RANBP2: variants seen among roughly 807,000 people sequenced by gnomAD.
The protein encoded by RANBP2 is RAN binding protein 2, also known as E3 SUMO-protein ligase RanBP2.
A neutral mutation model predicts 303.6 loss-of-function variants in RANBP2; 57 were observed. That is an observed-to-expected ratio of 0.19 (90% CI 0.15 to 0.23). The LOEUF is 0.23. RANBP2 is among the 10% of genes least tolerant of loss of function. The pLI is 1.00. For synonymous variants in RANBP2, 1,167 were observed against 1,301.5 expected, an observed-to-expected ratio of 0.90 and a Z score of 2.23; for missense variants, 3,138 against 3,780.8, an observed-to-expected ratio of 0.83 and a Z score of 4.46.
At chr2:109,468,855 GAAAAAA>G in the RANBP2 span, among the ~76,000 whole-genome samples, 2 of 64,864 alleles carry the variant, frequency 3.1e-5, no homozygotes, top group Admixed American at 2.0e-4. Context: ...CTCTGTCTCA[GAAAAAA>G]AAAAAAAAAA....
At chr2:108,906,694 G>A in the RANBP2 span, among the ~76,000 whole-genome samples, 2 of 152,374 alleles carry the variant, frequency 1.3e-5, no homozygotes, top group South Asian at 4.1e-4. Context: ...GGACATCTGT[G>A]CTGCAGCAGA....
the RANBP2 span, among the ~76,000 whole-genome samples, chr2:109,249,876 G>A: frequency 6.6e-6 from 1 of 151,004 alleles, no homozygotes. Flanking sequence ...AGTAGAGACG[G>A]GGTTTCACTG....
chr2:109,612,389 T>C, the RANBP2 span, among the ~76,000 whole-genome samples: 17 of 152,324 alleles, frequency 1.1e-4, 1 homozygote, highest in South Asian at 3.5e-3. Context: ...ATCTTCACTG[T>C]ATCAATCAAT....
the RANBP2 span, among the ~76,000 whole-genome samples, chr2:109,381,418 G>A: frequency 6.6e-6 from 1 of 152,152 alleles, no homozygotes; most frequent in Non-Finnish European, 1.5e-5. Flanking sequence ...GGGCCCTGCT[G>A]GTCTCAGCAC....
chr2:109,152,357 A>C, the RANBP2 span, among the ~76,000 whole-genome samples: 26 of 152,186 alleles, frequency 1.7e-4, no homozygotes, highest in Non-Finnish European at 5.9e-5. Context: ...GCATTTGGCA[A>C]ATCCCTCTTA....
the RANBP2 span, among the ~76,000 whole-genome samples, chr2:109,030,957 A>ATATG: frequency 6.6e-6 from 1 of 152,130 alleles, no homozygotes; most frequent in African/African-American, 2.4e-5. Flanking sequence ...ATATACTCAT[A>ATATG]ACTAGTACAC....
chr2:109,701,100 A>G, the RANBP2 span, among the ~76,000 whole-genome samples: 1 of 152,190 alleles, frequency 6.6e-6, no homozygotes, highest in South Asian at 2.1e-4. Context: ...CTTGCTTTAC[A>G]GAAGGAGAGA....
the RANBP2 span, among the ~76,000 whole-genome samples, chr2:109,146,718 T>A: frequency 6.6e-6 from 1 of 152,100 alleles, no homozygotes; most frequent in Non-Finnish European, 1.5e-5. Flanking sequence ...GGGGGCCCCA[T>A]AGAGTCTACA....
the RANBP2 span, among the ~76,000 whole-genome samples, chr2:108,832,924 A>G: frequency 2.0e-5 from 3 of 152,206 alleles, no homozygotes; most frequent in African/African-American, 4.8e-5. Flanking sequence ...TCCCACAGAT[A>G]AGAGGGAGAC....
chr2:109,639,447 C>T, the RANBP2 span, among the ~76,000 whole-genome samples: 29,057 of 151,498 alleles, frequency 0.19, 3,461 homozygotes, highest in African/African-American at 0.34. Context: ...GGTGAAACCC[C>T]GTCTCTACTA....
chr2:109,640,862 G>C, the RANBP2 span, among the ~76,000 whole-genome samples: 2,471 of 152,246 alleles, frequency 0.016, 57 homozygotes, highest in African/African-American at 0.056. Context: ...CTATGACTGA[G>C]TGCCTGTCCA....
chr2:109,149,953 G>T, the RANBP2 span, among the ~76,000 whole-genome samples: 2 of 152,186 alleles, frequency 1.3e-5, no homozygotes, highest in Non-Finnish European at 2.9e-5. Flanking sequence ...AGTGGTTCTT[G>T]ACTTGGGGTG....
At chr2:108,812,721 T>G in the RANBP2 span, 1 of 1,607,354 alleles carries the variant, frequency 6.2e-7, no homozygotes, top group Non-Finnish European at 8.5e-7. Context: ...AAGTTGCCTG[T>G]TCTTCTCTAC....
the RANBP2 span, among the ~76,000 whole-genome samples, chr2:109,188,943 A>AT: frequency 6.6e-6 from 1 of 151,708 alleles, no homozygotes; most frequent in Non-Finnish European, 1.5e-5. Flanking sequence ...TAAAAAAAAA[A>AT]CCTGAAAATG....
chr2:109,235,992 G>C, the RANBP2 span, among the ~76,000 whole-genome samples: 1 of 152,030 alleles, frequency 6.6e-6, no homozygotes, highest in Non-Finnish European at 1.5e-5. Context: ...TTAAGAGGCT[G>C]TGGGGTTGGT....
At chr2:109,189,738 A>G in the RANBP2 span, among the ~76,000 whole-genome samples, 5 of 152,318 alleles carry the variant, frequency 3.3e-5, no homozygotes, top group South Asian at 6.2e-4. Flanking sequence ...TTAGGTTTGC[A>G]TCATTATCTG....
the RANBP2 span, among the ~76,000 whole-genome samples, chr2:109,537,610 C>T: frequency 9.9e-5 from 15 of 151,922 alleles, no homozygotes; most frequent in South Asian, 2.1e-4. Flanking sequence ...CTATTGCTGC[C>T]GTAACAAATT....
chr2:108,719,597 T>G lies in RANBP2; in HGVS notation c.-10T>G. Reference sequence around the variant, plus strand: ...GTCTCACGCGCCTCGGGAGCCAGGTTGGCGGCGCGATGAGGCGCAGCAAGG... The same window carrying G: ...GTCTCACGCGCCTCGGGAGCCAGGTGGGCGGCGCGATGAGGCGCAGCAAGG... On this transcript the variant is annotated 5_prime_UTR_variant, in exon 1 of 29. Transcript: ENST00000283195. 6.2e-7 allele frequency: 1 copy of G among 1,602,622 alleles called. No homozygotes were observed. Among genetic ancestry groups the G allele is most frequent in the Non-Finnish European group, 8.5e-7 (1 of 1,176,084 alleles).
chr2:109,465,923 G>A, the RANBP2 span, among the ~76,000 whole-genome samples: 5 of 152,098 alleles, frequency 3.3e-5, no homozygotes, highest in Admixed American at 2.0e-4. Context: ...CCAAGGATCC[G>A]TCCCCACGAT....
Sources: gnomAD v4.1 joint callset for allele counts (sites outside exome capture counted in the v4.1 genomes callset) on GRCh38, gnomAD v4.1.1 for gene constraint, MANE v1.5 for transcripts, NCBI Gene and HGNC (gene_info 2026-07-23, HGNC 2026-07-21) for gene names.